The following CRIM1 variants were observed in gnomAD, a reference collection of about 807,000 sequenced individuals.
The protein encoded by CRIM1 is cysteine rich transmembrane BMP regulator 1, also known as cysteine-rich motor neuron 1 protein.
CRIM1 carries 32 observed loss-of-function variants against 116.4 expected under a neutral mutation model. The ratio of observed to expected loss-of-function variants is 0.27; its 90% CI spans 0.21 to 0.37. The LOEUF (loss-of-function observed/expected upper bound fraction) is 0.37. CRIM1 is among the 10% of genes least tolerant of loss of function. CRIM1 has a pLI of 1.00. For synonymous variants in CRIM1, 590 were observed against 509.2 expected (o/e 1.16, Z -2.13); for missense variants, 1,331 against 1,354.8 (o/e 0.98, Z 0.28).
At chr2:36,392,913 AT>A (rs1671727741) in intron 1 of CRIM1, among the ~76,000 whole-genome samples, 1 of 152,204 alleles carries the variant, frequency 6.6e-6, no homozygotes, top group African/African-American at 2.4e-5. Context: ...AGTGGCAGCA[AT>A]GTTTCTGAGG....
chr2:36,434,237 G>A lies in CRIM1; in HGVS notation c.506-7021G>A, dbSNP rs368026684. ...AAGAAAGTTCCTCCTTTTATCACATGATATCTCTAAGGCCAAGGAACAAGT... is the reference window on the plus strand; with the variant it reads ...AAGAAAGTTCCTCCTTTTATCACATAATATCTCTAAGGCCAAGGAACAAGT... On this transcript the variant is annotated intron_variant, in intron 2 of 16. Transcript: ENST00000280527. 6.6e-5 allele frequency among the ~76,000 whole-genome samples: 10 copies of A among 152,310 alleles called. No homozygotes were observed. In the South Asian group the frequency reaches 2.1e-3, roughly 32 times the overall value.
At chr2:36,393,842 G>C (rs1018154122) in intron 1 of CRIM1, among the ~76,000 whole-genome samples, 1 of 152,206 alleles carries the variant, frequency 6.6e-6, no homozygotes, top group Admixed American at 6.5e-5. Context: ...ATGTGAGAGC[G>C]ACTGGTGAAA....
intron 1 of CRIM1, among the ~76,000 whole-genome samples, chr2:36,388,451 T>G (rs1671334526): frequency 6.6e-6 from 1 of 152,216 alleles, no homozygotes; most frequent in African/African-American, 2.4e-5. Context: ...GTTAGCATTG[T>G]ACAATTTCAA....
At chr2:36,546,496 C>T (rs1667339849) in intron 15 of CRIM1, among the ~76,000 whole-genome samples, 1 of 152,074 alleles carries the variant, frequency 6.6e-6, no homozygotes, top group Admixed American at 6.5e-5. Context: ...GACCAACTTC[C>T]TGATTGATTA....
At chr2:36,498,405 C>T (rs1248760352) in intron 7 of CRIM1, among the ~76,000 whole-genome samples, 1 of 152,024 alleles carries the variant, frequency 6.6e-6, no homozygotes, top group Non-Finnish European at 1.5e-5. Flanking sequence ...ATAATAGCAC[C>T]CACCTCATTG....
rs138752289 is a variant in CRIM1 at position 36,383,934 on chromosome 2, C to G, written c.332-12680C>G. Among the ~76,000 whole-genome samples, 3 of 152,238 alleles carry G rather than the reference C, an allele frequency of 2.0e-5. No individual in the cohort carries two copies. In the East Asian group the frequency reaches 5.8e-4, roughly 29 times the overall value. On this transcript the variant is annotated intron_variant, in intron 1 of 16. Coordinates refer to ENST00000280527, the MANE Select transcript of CRIM1 (RefSeq NM_016441.3). Reference sequence around the variant, plus strand: ...GCCCTACTATGTGCTGAGCCCTGTTCCAGGTGCAGAAGATACAGCAGTGAA... The same window carrying G: ...GCCCTACTATGTGCTGAGCCCTGTTGCAGGTGCAGAAGATACAGCAGTGAA...
intron 4 of CRIM1, among the ~76,000 whole-genome samples, chr2:36,452,137 T>C (rs1368283472): frequency 6.6e-6 from 1 of 151,986 alleles, no homozygotes; most frequent in Admixed American, 6.6e-5. Context: ...TTAAGATTGA[T>C]CTGTTAGTAG....
intron 4 of CRIM1, among the ~76,000 whole-genome samples, chr2:36,460,590 G>A (rs574704549): frequency 2.5e-4 from 38 of 152,308 alleles, no homozygotes; most frequent in African/African-American, 7.9e-4. Flanking sequence ...TAGCACTTCT[G>A]CTCAAGGTCA....
intron 15 of CRIM1, 57 bp from the exon 16 acceptor site, chr2:36,546,927 A>C: frequency 1.9e-6 from 2 of 1,033,428 alleles, no homozygotes. Flanking sequence ...TGTCATTAAA[A>C]TAATCCTTAA....
chr2:36,382,967 G>T (rs1670897138), intron 1 of CRIM1, among the ~76,000 whole-genome samples: 1 of 152,304 alleles, frequency 6.6e-6, no homozygotes, highest in Middle Eastern at 3.4e-3. Context: ...AAAGCTGTTA[G>T]TTCTTGAAAG....
chr2:36,442,781 A>G, intron 4 of CRIM1, 46 bp downstream of exon 4: 5 of 1,611,730 alleles, frequency 3.1e-6, no homozygotes, highest in Non-Finnish European at 4.2e-6. Flanking sequence ...ATTTGTTAGC[A>G]TCATCTAAGG....
At chr2:36,461,123 T>G (rs186633645) in intron 4 of CRIM1, among the ~76,000 whole-genome samples, 21 of 152,174 alleles carry the variant, frequency 1.4e-4, no homozygotes, top group African/African-American at 5.1e-4. Context: ...GAAGATAAAT[T>G]TTGACTGCAG....
intron 4 of CRIM1, among the ~76,000 whole-genome samples, chr2:36,462,205 T>C (rs1371575530): frequency 1.3e-5 from 2 of 151,898 alleles, no homozygotes; most frequent in Non-Finnish European, 2.9e-5. Context: ...TGTAAGGGAC[T>C]TTAAAAAAAA....
chr2:36,397,075 A>G (rs1292116118), intron 2 of CRIM1, among the ~76,000 whole-genome samples: 2 of 152,180 alleles, frequency 1.3e-5, no homozygotes, highest in African/African-American at 4.8e-5. Flanking sequence ...GCTTGAGATC[A>G]GCATCTGTTG....
intron 16 of CRIM1, 112 bp from the exon 17 acceptor site, chr2:36,548,413 A>G (rs1667508789): frequency 1.4e-6 from 1 of 718,558 alleles, no homozygotes; most frequent in Non-Finnish European, 2.3e-6. Context: ...GCTATCAATC[A>G]ATGAATTGTG....
rs183320061 is a variant in CRIM1 at position 36,439,706 on chromosome 2, A to C, written c.506-1552A>C. 4.1e-4 allele frequency among the ~76,000 whole-genome samples: 63 copies of C among 152,190 alleles called. 1 individual carries two copies. The highest frequency in any genetic ancestry group is 1.4e-3 in the African/African-American group (57 of 41,538). On this transcript the variant is annotated intron_variant, in intron 2 of 16. Coordinates refer to ENST00000280527, the MANE Select transcript of CRIM1 (RefSeq NM_016441.3). ...AGCCGTAAACTTCTCAATCATGCCC[A>C]TCCATTCTCACCACATTGTAACTGC...
chr2:36,362,667 C>T (rs971077423), intron 1 of CRIM1, among the ~76,000 whole-genome samples: 6 of 152,120 alleles, frequency 3.9e-5, no homozygotes, highest in African/African-American at 1.4e-4. Flanking sequence ...TCAAGACTTC[C>T]TAAGTCAAGA....
chr2:36,433,059 A>G (rs966187307), intron 2 of CRIM1, among the ~76,000 whole-genome samples: 1 of 152,154 alleles, frequency 6.6e-6, no homozygotes, highest in African/African-American at 2.4e-5. Flanking sequence ...TAGAATTTGC[A>G]CTTCTAGCGA....
At chr2:36,531,416 T>TC (rs1666110969) in intron 13 of CRIM1, among the ~76,000 whole-genome samples, 1 of 151,890 alleles carries the variant, frequency 6.6e-6, no homozygotes, top group Non-Finnish European at 1.5e-5. Context: ...TTTTTTTTTT[T>TC]TCCAGAGGCT....
Sources: allele counts gnomAD v4.1 joint callset (sites outside exome capture counted in the v4.1 genomes callset), GRCh38; gene constraint gnomAD v4.1.1; transcripts MANE v1.5; gene names NCBI Gene and HGNC (gene_info 2026-07-23, HGNC 2026-07-21).